The following CSGALNACT1 variants were observed in gnomAD, a reference collection of about 807,000 sequenced individuals.
CSGALNACT1 encodes chondroitin sulfate N-acetylgalactosaminyltransferase 1.
In CSGALNACT1, 52 loss-of-function variants were observed where a neutral mutation model predicts 51.0. The observed-to-expected ratio is 1.02, with a 90% confidence interval of 0.82 to 1.29. CSGALNACT1 has a LOEUF of 1.29. CSGALNACT1 is among the 50% of genes most tolerant of loss of function. The probability of loss-of-function intolerance (pLI) is 0.00; values close to 1 mark genes in which losing one functional copy is unlikely to be tolerated. For synonymous variants in CSGALNACT1, 341 were observed against 254.4 expected (o/e 1.34, Z -3.24); for missense variants, 935 against 679.2 (o/e 1.38, Z -4.19).
intron 3 of CSGALNACT1, among the ~76,000 whole-genome samples, chr8:19,526,070 T>C (rs1219934933): frequency 6.6e-6 from 1 of 152,120 alleles, no homozygotes; most frequent in East Asian, 1.9e-4. Flanking sequence ...AATAAAAAGT[T>C]AAAAAAGGAA....
At chr8:19,478,729 TG>T (rs2070513851) in intron 4 of CSGALNACT1, among the ~76,000 whole-genome samples, 3 of 152,196 alleles carry the variant, frequency 2.0e-5, no homozygotes, top group Non-Finnish European at 4.4e-5. Context: ...ACTGCTGAAT[TG>T]CTCCACTGCT....
At chr8:19,481,279 C>A (rs1400123477) in intron 4 of CSGALNACT1, among the ~76,000 whole-genome samples, 1 of 152,066 alleles carries the variant, frequency 6.6e-6, no homozygotes, top group Non-Finnish European at 1.5e-5. Flanking sequence ...TATAGTCTGC[C>A]CCATACTCCT....
At chr8:19,540,171 T>G (rs1037748334) in intron 3 of CSGALNACT1, among the ~76,000 whole-genome samples, 1 of 152,334 alleles carries the variant, frequency 6.6e-6, no homozygotes, top group African/African-American at 2.4e-5. Flanking sequence ...CATATTATTT[T>G]GGAATTGTTT....
In CSGALNACT1 at chr8:19,655,579, C is replaced by CATAT. The variant is rs66802003; in HGVS notation, c.-544+26890_-544+26893dup. 3.7e-3 allele frequency among the ~76,000 whole-genome samples: 413 copies of CATAT among 111,904 alleles called. 1 individual carries two copies. The highest frequency in any genetic ancestry group is 0.013 in the African/African-American group (380 of 28,614). 73.4% of individuals were successfully genotyped at this position (111,904 alleles called of 152,430 possible). A position where few individuals can be genotyped will look rare whatever the true frequency, so the allele number is the denominator to read the frequency against. ...ATATATACACACACACACACACACA[C>CATAT]ATATATATATATATATATTTGCAGA... On this transcript the variant is annotated intron_variant, in intron 1 of 9. Coordinates refer to the CSGALNACT1 transcript ENST00000332246.
intron 1 of CSGALNACT1, among the ~76,000 whole-genome samples, chr8:19,647,789 T>C (rs932914548): frequency 6.6e-6 from 1 of 152,236 alleles, no homozygotes; most frequent in Non-Finnish European, 1.5e-5. Flanking sequence ...TTACTTAGGA[T>C]ATTATATTAT....
At chr8:19,700,879 C>A (rs1276072925) in intron 1 of CSGALNACT1, among the ~76,000 whole-genome samples, 1 of 152,150 alleles carries the variant, frequency 6.6e-6, no homozygotes, top group Admixed American at 6.5e-5. Context: ...AGTAACAGAA[C>A]ATTTGTATTT....
intron 3 of CSGALNACT1, among the ~76,000 whole-genome samples, chr8:19,508,321 C>T (rs6586840): frequency 0.44 from 66,849 of 152,124 alleles, 16,014 homozygotes; most frequent in African/African-American, 0.64. Context: ...ATCACTATGC[C>T]ATCAAAATAG....
rs763857265 is a variant in CSGALNACT1, at chr8:19,721,478, CA to C, written c.-297+36371del. Among the ~76,000 whole-genome samples, 15 of 152,274 alleles carry C rather than the reference CA, an allele frequency of 9.9e-5. No homozygotes were observed. The East Asian group carries it at 2.5e-3, about 25-fold the overall frequency. On this transcript the variant is annotated intron_variant, in intron 1 of 1. Coordinates refer to the CSGALNACT1 transcript ENST00000517494. The stretch of plus-strand genomic sequence containing the variant: ...TAGTCCGCACATGGTTCTCATGTAT[CA>C]GGGGGAGATAAGAAACTCGGAGGAA...
chr8:19,475,286 C>T lies in CSGALNACT1; in HGVS notation c.635-16644G>A, dbSNP rs113374026. Among the ~76,000 whole-genome samples, 801 of 152,246 alleles carry T rather than the reference C, an allele frequency of 5.3e-3. 12 individuals carry two copies. Among genetic ancestry groups the T allele is most frequent in the African/African-American group, 0.018 (757 of 41,536 alleles). ...GTAGAGAATGCAGTAAGACCTGAAGCTGAAGGGCCAAGAAGGCAGCCTGTG... is the reference window on the plus strand; with the variant it reads ...GTAGAGAATGCAGTAAGACCTGAAGTTGAAGGGCCAAGAAGGCAGCCTGTG... On this transcript the variant is annotated intron_variant, in intron 4 of 9. Coordinates refer to ENST00000454498, the Ensembl canonical transcript of CSGALNACT1.
chr8:19,522,496 C>A (rs1303701087), intron 3 of CSGALNACT1, among the ~76,000 whole-genome samples: 1 of 152,170 alleles, frequency 6.6e-6, no homozygotes, highest in African/African-American at 2.4e-5. Flanking sequence ...CATTAGGGAT[C>A]CTGGGAGATT....
chr8:19,618,075 C>T (rs1186802209), intron 1 of CSGALNACT1, among the ~76,000 whole-genome samples: 1 of 151,688 alleles, frequency 6.6e-6, no homozygotes, highest in Non-Finnish European at 1.5e-5. Context: ...GATGGGGTTT[C>T]ACTACATCGC....
At chr8:19,725,213 G>A (rs754341358) in intron 1 of CSGALNACT1, among the ~76,000 whole-genome samples, 57 of 152,284 alleles carry the variant, frequency 3.7e-4, no homozygotes, top group Non-Finnish European at 5.0e-4. Context: ...ACTAAGCCTT[G>A]GCGAGCGCTT....
chr8:19,656,137 A>G (rs1043462421), intron 1 of CSGALNACT1, among the ~76,000 whole-genome samples: 2 of 152,178 alleles, frequency 1.3e-5, no homozygotes, highest in Non-Finnish European at 2.9e-5. Flanking sequence ...ATGTTATGAA[A>G]AGTTTCTGAC....
chr8:19,477,097 G>A (rs2069900970), intron 4 of CSGALNACT1, among the ~76,000 whole-genome samples: 1 of 152,252 alleles, frequency 6.6e-6, no homozygotes, highest in African/African-American at 2.4e-5. Flanking sequence ...CTGGCAGGCA[G>A]AAGTTTTGCT....
At position 19,735,079 on chromosome 8, in the gene CSGALNACT1, G is replaced by A. The variant is rs529285647; in HGVS notation, c.-297+22771C>T. On this transcript the variant is annotated intron_variant, in intron 1 of 1. Coordinates refer to the CSGALNACT1 transcript ENST00000517494. ...ATATGCTGGGGCCAGAGTGCCAGAAGAGATCCCATGCACAGAACTGAGAAC... is the reference window on the plus strand; with the variant it reads ...ATATGCTGGGGCCAGAGTGCCAGAAAAGATCCCATGCACAGAACTGAGAAC... Among the ~76,000 whole-genome samples the A allele has an allele frequency of 3.3e-5, 5 of 152,214 alleles. No homozygotes were observed. The South Asian group carries it at 1.0e-3, about 32-fold the overall frequency.
At chr8:19,700,574 G>A (rs1445459780) in intron 1 of CSGALNACT1, among the ~76,000 whole-genome samples, 1 of 152,166 alleles carries the variant, frequency 6.6e-6, no homozygotes, top group South Asian at 2.1e-4. Flanking sequence ...ATCCATGGTG[G>A]TATCTATGAA....
intron 3 of CSGALNACT1, among the ~76,000 whole-genome samples, chr8:19,524,505 G>T (rs2081302121): frequency 6.6e-6 from 1 of 151,952 alleles, no homozygotes; most frequent in South Asian, 2.1e-4. Flanking sequence ...CCCAGGGCAA[G>T]GTGAAAATAC....
At chr8:19,752,540 T>C (rs2065107468) in intron 1 of CSGALNACT1, among the ~76,000 whole-genome samples, 1 of 152,156 alleles carries the variant, frequency 6.6e-6, no homozygotes, top group Admixed American at 6.5e-5. Flanking sequence ...AAGACCACCA[T>C]TTTAGTAATT....
chr8:19,535,902 C>G (rs1348044323), intron 3 of CSGALNACT1, among the ~76,000 whole-genome samples: 1 of 152,078 alleles, frequency 6.6e-6, no homozygotes, highest in African/African-American at 2.4e-5. Context: ...TAAATACATT[C>G]CTTTCAGACT....
Sources: gnomAD v4.1 joint callset for allele counts (sites outside exome capture counted in the v4.1 genomes callset) on GRCh38, gnomAD v4.1.1 for gene constraint, MANE v1.5 for transcripts, NCBI Gene and HGNC (gene_info 2026-07-23, HGNC 2026-07-21) for gene names.